The following BCORL1 variants were observed in gnomAD, a reference collection of about 807,000 sequenced individuals.
BCORL1 encodes BCL-6 corepressor-like protein 1.
Under a neutral mutation model 87.6 loss-of-function variants are expected in BCORL1, and 7 were observed. The observed-to-expected ratio is 0.08, with a 90% CI of 0.05 to 0.15. The LOEUF (loss-of-function observed/expected upper bound fraction) is 0.15, where lower values mean the gene tolerates loss of function less well. Ranked by LOEUF, BCORL1 falls within the 10% of genes least tolerant of loss-of-function variation. The pLI, the probability that BCORL1 is intolerant of heterozygous loss-of-function variation, is 1.00. For synonymous variants in BCORL1, 591 were observed against 634.4 expected (o/e 0.93, Z 1.03); for missense variants, 1,215 against 1,499.7 (o/e 0.81, Z 3.13).
chrX:129,997,621 G>A (rs1298794950), intron 1 of BCORL1, among the ~76,000 whole-genome samples: 4 of 107,811 alleles, frequency 3.7e-5, no homozygotes, highest in African/African-American at 1.0e-4. Context: ...GTGAAACCCC[G>A]TCTCTACTAA....
intron 3 of BCORL1, 99 bp downstream of exon 3, chrX:130,012,767 G>T: frequency 9.9e-7 from 1 of 1,008,564 alleles, no homozygotes; most frequent in Non-Finnish European, 1.4e-6. Context: ...TGGGCAGGAA[G>T]GGACAGGGTC....
chrX:130,016,253 C>T (rs752886997), intron 4 of BCORL1, 40 bp downstream of exon 4: 18 of 1,147,533 alleles, frequency 1.6e-5, no homozygotes, highest in Admixed American at 1.3e-4. Flanking sequence ...GCCGAGATGC[C>T]GCTGGTCTAC....
chrX:130,025,441 C>A, intron 7 of BCORL1, 62 bp downstream of exon 7: 1 of 1,040,021 alleles, frequency 9.6e-7, no homozygotes, highest in Non-Finnish European at 1.3e-6. Flanking sequence ...AACCCTCGGG[C>A]ATCTCTACGC....
At chrX:130,051,761 C>A in intron 12 of BCORL1, 99 bp from the exon 13 acceptor site, 25 of 865,427 alleles carry the variant, frequency 2.9e-5, no homozygotes, top group Non-Finnish European at 3.9e-5. Flanking sequence ...TACCTCCCAA[C>A]CACCACCCCT....
At chrX:130,017,204 C>G (rs1392161778) in intron 4 of BCORL1, among the ~76,000 whole-genome samples, 1 of 110,732 alleles carries the variant, frequency 9.0e-6, no homozygotes, top group Non-Finnish European at 1.9e-5. Flanking sequence ...ATGGACCTGA[C>G]CTCTGCCCCA....
upstream of BCORL1, among the ~76,000 whole-genome samples, chrX:129,980,918 C>T (rs1342366041): frequency 1.2e-5 from 1 of 84,360 alleles, no homozygotes; most frequent in Non-Finnish European, 2.4e-5. Context: ...GAGGGAGAGC[C>T]GGGGGTGGAG....
intron 2 of BCORL1, among the ~76,000 whole-genome samples, chrX:130,006,659 G>A (rs1052859390): frequency 9.1e-6 from 1 of 110,016 alleles, no homozygotes; most frequent in Non-Finnish European, 1.9e-5. Context: ...TTGCCCGGCC[G>A]TTTTTATTTT....
intron 13 of BCORL1, among the ~76,000 whole-genome samples, chrX:130,055,617 T>C (rs1932330230): frequency 8.9e-6 from 1 of 112,811 alleles, no homozygotes. Context: ...GATTGCGTGC[T>C]CACCATTTAG....
chrX:129,994,522 G>A (rs1363589415), intron 1 of BCORL1, among the ~76,000 whole-genome samples: 1 of 111,339 alleles, frequency 9.0e-6, no homozygotes, highest in South Asian at 3.8e-4. Context: ...CTCCTGAGGC[G>A]ACTACTTTGG....
In BCORL1 at chrX:130,039,038, G is replaced by A. The variant is rs192137283; in HGVS notation, c.4695-99G>A. Reference sequence around the variant, plus strand: ...ACCATATTACACCAAGGTTACCTGGGGGTCAGCTCAGTTTTTTCCCCTGAT... The same window carrying A: ...ACCATATTACACCAAGGTTACCTGGAGGTCAGCTCAGTTTTTTCCCCTGAT... On this transcript the variant is annotated intron_variant, in intron 10 of 13. Transcript: ENST00000540052. 1.7e-4 allele frequency: 163 copies of A among 975,158 alleles called. No homozygotes were observed. The East Asian group carries it at 5.0e-3, about 30-fold the overall frequency. 80.4% of individuals were successfully genotyped at this position (975,158 alleles called of 1,213,427 possible).
chrX:130,029,418 A>G (rs568189455), intron 8 of BCORL1, among the ~76,000 whole-genome samples: 1 of 110,595 alleles, frequency 9.0e-6, no homozygotes. Context: ...CATTCCTAAA[A>G]CCCTCATCCC....
intron 5 of BCORL1, chrX:130,021,396 A>G (rs1929802807): frequency 2.2e-6 from 1 of 462,332 alleles, no homozygotes; most frequent in African/African-American, 2.7e-5. Context: ...CACAAACACC[A>G]GGCCCACAAC....
chrX:130,056,189 A>C lies in BCORL1; in HGVS notation c.*53A>C. 9.3e-7 allele frequency: 1 copy of C among 1,076,849 alleles called. No homozygotes were observed. Among genetic ancestry groups the C allele is most frequent in the East Asian group, 3.3e-5 (1 of 30,321 alleles). The allele number at this position is 1,076,849 out of a possible 1,213,427, so 88.7% of individuals were successfully genotyped here. A position where few individuals can be genotyped will look rare whatever the true frequency, so the allele number is the denominator to read the frequency against. On this transcript the variant is annotated 3_prime_UTR_variant, in exon 14 of 14. Coordinates refer to ENST00000540052, the MANE Select transcript of BCORL1 (RefSeq NM_001379451.1). ...CTCCTTCCGAGTTCGCCCTTCCCCC[A>C]CCTCCTTGTCTTTCCCCGACCGAGC...
At chrX:129,992,577 T>C (rs751104595) in intron 1 of BCORL1, among the ~76,000 whole-genome samples, 7 of 112,027 alleles carry the variant, frequency 6.2e-5, no homozygotes, top group Non-Finnish European at 1.1e-4. Flanking sequence ...TGTGAGAAAA[T>C]AGAAAGAATA....
chrX:130,011,114 G>T (rs1603102947), intron 2 of BCORL1, among the ~76,000 whole-genome samples: 1 of 107,516 alleles, frequency 9.3e-6, no homozygotes, highest in Middle Eastern at 4.9e-3. Flanking sequence ...GCAGTCCTGT[G>T]CCTTGCCCAC....
intron 1 of BCORL1, among the ~76,000 whole-genome samples, chrX:130,003,375 T>TTCTTCTTCTTC (rs1556039830): frequency 8.5e-5 from 7 of 82,813 alleles, no homozygotes; most frequent in African/African-American, 5.0e-4. Context: ...CTTCTTCTTC[T>TTCTTCTTCTTC]TTTTTTTTTT....
At chrX:130,025,855 A>C (rs1298262373) in intron 7 of BCORL1, among the ~76,000 whole-genome samples, 1 of 111,108 alleles carries the variant, frequency 9.0e-6, no homozygotes, top group Non-Finnish European at 1.9e-5. Flanking sequence ...GAAGAACTTC[A>C]AGTAGAAACG....
Position 130,016,107 on chromosome X carries a change from A to C in BCORL1, c.3335A>C (p.Glu1112Ala), listed in dbSNP as rs1324004130. 2 of 1,211,528 alleles carry C rather than the reference A, an allele frequency of 1.7e-6. No individual in the cohort carries two copies. The highest frequency in any genetic ancestry group is 4.4e-5 in the Admixed American group (2 of 45,974). The change falls in exon 4 of 14, where the codon GAA becomes GCA. Residue 1112 changes from glutamate to alanine, a missense_variant. Transcript: ENST00000540052. Reference protein sequence around the residue: ...KNKWQPDDVTESLPPKKMKCG... With the variant: ...KNKWQPDDVTASLPPKKMKCG... ...AAGTGGCAGCCAGATGATGTGACGG[A>C]ATCTCTGCCGCCCAAGAAGATGAAG...
chrX:130,053,300 C>G (rs1429597429), intron 13 of BCORL1, among the ~76,000 whole-genome samples: 1 of 108,725 alleles, frequency 9.2e-6, no homozygotes, highest in Non-Finnish European at 1.9e-5. Context: ...CTCCCCCCCA[C>G]CACCCCACAC....
Sources: gnomAD v4.1 joint callset for allele counts (sites outside exome capture counted in the v4.1 genomes callset) on GRCh38, gnomAD v4.1.1 for gene constraint, MANE v1.5 for transcripts, NCBI Gene and HGNC (gene_info 2026-07-23, HGNC 2026-07-21) for gene names.